DST: variants seen among roughly 807,000 people sequenced by gnomAD.
DST encodes the protein dystonin.
Under a neutral mutation model 875.2 loss-of-function variants are expected in DST, and 253 were observed. That is an observed-to-expected ratio of 0.29 (90% CI 0.26 to 0.32). The LOEUF (loss-of-function observed/expected upper bound fraction) is 0.32, where lower values mean the gene tolerates loss of function less well. Ranked by LOEUF, DST falls within the 10% of genes least tolerant of loss-of-function variation. The pLI is 1.00. For missense variants in DST, 8,287 were observed against 9,111.6 expected (o/e 0.91, Z 3.68); for synonymous variants, 3,124 against 3,197.1 (o/e 0.98, Z 0.77).
chr6:56,506,648 A>T lies in DST; in HGVS notation c.19362+19T>A. 3.1e-6 allele frequency: 5 copies of T among 1,613,132 alleles called. No homozygotes were observed. Among genetic ancestry groups the T allele is most frequent in the Non-Finnish European group, 4.2e-6 (5 of 1,179,502 alleles). ...TAAAAACTTTTTAAAAGCCATTCTG[A>T]TAAGTAAGCCAGTTGTACCTCATCT... is the stretch of plus-strand genomic sequence containing the variant. On this transcript the variant is annotated intron_variant, in intron 76 of 103. Transcript: ENST00000680361.
At chr6:56,781,542 A>G (rs1402527107) in intron 4 of DST, among the ~76,000 whole-genome samples, 6 of 152,116 alleles carry the variant, frequency 3.9e-5, no homozygotes, top group African/African-American at 1.2e-4. Context: ...TTGGTGTACA[A>G]GAATGCTTGT....
At position 56,550,926 on chromosome 6, in the gene DST, C is replaced by T. The variant is rs571930731; in HGVS notation, c.16608+1258G>A. Among the ~76,000 whole-genome samples, 182 of 152,180 alleles carry T rather than the reference C, an allele frequency of 1.2e-3. 2 individuals carry two copies. The highest frequency in any genetic ancestry group is 3.2e-4 in the Non-Finnish European group (22 of 68,000). Reference sequence around the variant, plus strand: ...GTTTTTCTAATAGAGGATTCTCTCACGTGAAATCTTTATTTTGCAAATCAG... The same window carrying T: ...GTTTTTCTAATAGAGGATTCTCTCATGTGAAATCTTTATTTTGCAAATCAG... On this transcript the variant is annotated intron_variant, in intron 61 of 103. Coordinates refer to ENST00000680361, the MANE Select transcript of DST (RefSeq NM_001374736.1).
chr6:56,944,805 C>A (rs1274771940), intron 2 of DST, among the ~76,000 whole-genome samples: 6 of 152,242 alleles, frequency 3.9e-5, no homozygotes, highest in Non-Finnish European at 8.8e-5. Context: ...TAAAACCTCA[C>A]ATCCCAAGCC....
At chr6:56,785,797 G>C (rs913645576) in intron 4 of DST, 3 of 159,210 alleles carry the variant, frequency 1.9e-5, no homozygotes, top group African/African-American at 4.8e-5. Context: ...GAAATCACCC[G>C]TCTTCTGCGT....
At chr6:56,641,457 G>A (rs1045932910) in intron 17 of DST, among the ~76,000 whole-genome samples, 3 of 151,910 alleles carry the variant, frequency 2.0e-5, no homozygotes, top group Admixed American at 6.6e-5. Context: ...GTGTGGTGGC[G>A]GGTGCCTGTA....
chr6:56,837,697 C>A (rs2817574), intron 4 of DST, among the ~76,000 whole-genome samples: 82 of 152,196 alleles, frequency 5.4e-4, no homozygotes, highest in African/African-American at 1.9e-3. Flanking sequence ...AGCCAACGAT[C>A]AAAATGATTT....
Position 56,508,599 on chromosome 6 carries a change from T to C in DST, c.19169A>G (p.Asp6390Gly). ...AGGATCTTCCAGGTCCCGGATGAAA[T>C]CTTGAGTATCTTTAATGGTAACTAT... is the stretch of plus-strand genomic sequence containing the variant. ...SLIVTIKDTQ[D>G]FIRDLEDPGI... The change falls in exon 75 of 104, where the codon GAT (aspartate) becomes GGT (glycine). Residue 6390 changes from aspartate to glycine, a missense_variant. By Grantham distance (94) the Asp-to-Gly change is moderately conservative (BLOSUM62 -1). This residue lies in a region of DST where 1,292 missense variants were observed against 1,552.7 expected (regional missense o/e 0.83). Transcript: ENST00000680361. 3 of 1,613,816 alleles carry C rather than the reference T, an allele frequency of 1.9e-6. No homozygotes were observed. The highest frequency in any genetic ancestry group is 2.5e-6 in the Non-Finnish European group (3 of 1,179,798).
intron 79 of DST, 84 bp downstream of exon 79, chr6:56,501,436 T>G (rs2096120942): frequency 8.3e-7 from 1 of 1,211,518 alleles, no homozygotes; most frequent in South Asian, 1.9e-5. Flanking sequence ...CAGAAATAAT[T>G]CTAATTTTAT....
Position 56,793,367 on chromosome 6 carries a change from T to TA in DST, c.625+58029dup, listed in dbSNP as rs575626663. 3.0e-3 allele frequency among the ~76,000 whole-genome samples: 454 copies of TA among 152,028 alleles called. 2 individuals carry two copies. The highest frequency in any genetic ancestry group is 0.01 in the African/African-American group (425 of 41,476). On this transcript the variant is annotated intron_variant, in intron 4 of 103. Coordinates refer to ENST00000680361, the MANE Select transcript of DST (RefSeq NM_001374736.1). ...CTAAACTTAAATTTTAATGGTTCAGTAAAAAAAACTGAGAAAGCACAAATT... is the reference window on the plus strand; with the variant it reads ...CTAAACTTAAATTTTAATGGTTCAGTAAAAAAAAACTGAGAAAGCACAAATT...
intron 9 of DST, among the ~76,000 whole-genome samples, chr6:56,673,932 T>A (rs987434983): frequency 2.0e-5 from 3 of 152,220 alleles, no homozygotes; most frequent in Non-Finnish European, 2.9e-5. Context: ...AGGTATTTTT[T>A]AAAATACTGT....
At position 56,606,085 on chromosome 6, in the gene DST, C is replaced by T. The variant is rs367997851; in HGVS notation, c.8543G>A (p.Ser2848Asn). 1.6e-5 allele frequency: 25 copies of T among 1,612,744 alleles called. No homozygotes were observed. The African/African-American group carries it at 3.1e-4, about 20-fold the overall frequency. Residue 2848 changes from serine to asparagine, a missense_variant, in exon 40 of 104, where the codon AGT becomes AAT. Around this residue, in one of 10 missense-constraint regions of DST, gnomAD observed 3,138 missense variants for 3,116.6 expected, o/e 1.01. Coordinates refer to ENST00000680361, the MANE Select transcript of DST (RefSeq NM_001374736.1). ...TGTATTAATATTTTCATTTTCATCA[C>T]TGTTTTCATTTAAAATAGAGGCACA... ...QLCASILNEN[S>N]DENENINTMI...
intron 4 of DST, among the ~76,000 whole-genome samples, chr6:56,784,037 A>T (rs1208641280): frequency 3.3e-5 from 5 of 152,288 alleles, no homozygotes; most frequent in Middle Eastern, 3.4e-3. Context: ...TTCTTTAAGA[A>T]TGTTGAATAT....
intron 4 of DST, among the ~76,000 whole-genome samples, chr6:56,763,453 C>T (rs1483721148): frequency 6.6e-6 from 1 of 151,958 alleles, no homozygotes; most frequent in Non-Finnish European, 1.5e-5. Context: ...AGAAGGATCA[C>T]CTGAGGTCAG....
At chr6:56,773,856 G>A (rs796573304) in intron 4 of DST, among the ~76,000 whole-genome samples, 25 of 152,160 alleles carry the variant, frequency 1.6e-4, no homozygotes, top group Admixed American at 1.1e-3. Flanking sequence ...GGTGGCTCAC[G>A]CCTGTAATCC....
At chr6:56,865,261 C>CTGTG (rs35870270) in intron 3 of DST, among the ~76,000 whole-genome samples, 2,118 of 143,772 alleles carry the variant, frequency 0.015, 23 homozygotes, top group African/African-American at 0.03. Flanking sequence ...CCCTAGTTTT[C>CTGTG]TGTGTGTGTG....
intron 36 of DST, chr6:56,616,410 A>G (rs1447417534): frequency 1.2e-6 from 2 of 1,614,038 alleles, no homozygotes; most frequent in African/African-American, 1.3e-5. Context: ...AAAGCCTCAT[A>G]CACGGTCAAT....
rs1306479678 is a variant in DST, at chr6:56,606,892, G to A, written c.7736C>T (p.Pro2579Leu). 1.2e-6 allele frequency: 2 copies of A among 1,613,360 alleles called. No homozygotes were observed. The highest frequency in any genetic ancestry group is 4.5e-5 in the East Asian group (2 of 44,870). ...NAIVSLTCAT[P>L]LLDETISASD... Reference sequence around the variant, plus strand: ...AGCACTGATGGTTTCATCAAGCAATGGTGTAGCACAAGTAAGAGACACAAT... The same window carrying A: ...AGCACTGATGGTTTCATCAAGCAATAGTGTAGCACAAGTAAGAGACACAAT... Residue 2579 changes from proline to leucine, a missense_variant, in exon 40 of 104, where the codon CCA becomes CTA. Pro to Leu is a moderately conservative substitution (Grantham distance 98). This residue lies in a region of DST where 3,138 missense variants were observed against 3,116.6 expected (regional missense o/e 1.01). Transcript: ENST00000680361.
At chr6:56,952,487 G>A (rs946170663) in intron 2 of DST, among the ~76,000 whole-genome samples, 2 of 152,060 alleles carry the variant, frequency 1.3e-5, no homozygotes, top group South Asian at 2.1e-4. Context: ...GTTGCTTTAC[G>A]ATAGTCCCGG....
At chr6:56,883,803 G>A (rs1783332877) in intron 3 of DST, among the ~76,000 whole-genome samples, 1 of 152,022 alleles carries the variant, frequency 6.6e-6, no homozygotes. Context: ...AAGCCAATAT[G>A]AGGGATTTTA....
Sources: gnomAD v4.1 joint callset for allele counts (sites outside exome capture counted in the v4.1 genomes callset) on GRCh38, gnomAD v4.1.1 for gene constraint, gnomAD v4.1.1 regional missense constraint, MANE v1.5 for transcripts, NCBI Gene and HGNC (gene_info 2026-07-23, HGNC 2026-07-21) for gene names.